Variants in PRRX2 observed in about 807,000 individuals in gnomAD.
PRRX2 encodes the protein paired related homeobox 2.
A neutral mutation model predicts 18.0 loss-of-function variants in PRRX2; 11 were observed. The observed-to-expected ratio is 0.61, with a 90% CI of 0.39 to 1.01. The LOEUF (loss-of-function observed/expected upper bound fraction) is 1.01, where lower values mean the gene tolerates loss of function less well. PRRX2 is among the 50% of genes least tolerant of loss of function. PRRX2 has a pLI of 0.01. For missense variants in PRRX2, 387 were observed against 351.0 expected, an observed-to-expected ratio of 1.10 and a Z score of -0.82; for synonymous variants, 177 against 154.8, an observed-to-expected ratio of 1.14 and a Z score of -1.06.
chr9:129,686,015 T>C (rs1832295888), intron 1 of PRRX2, among the ~76,000 whole-genome samples: 1 of 152,108 alleles, frequency 6.6e-6, no homozygotes, highest in African/African-American at 2.4e-5. Context: ...GGGTTGGGCT[T>C]TGTGAAGAGG....
rs891898571 is a variant in PRRX2 at position 129,675,062 on chromosome 9, G to A, written c.259+8936G>A. Among the ~76,000 whole-genome samples the A allele has an allele frequency of 1.3e-5, 2 of 152,164 alleles. No homozygotes were observed. The highest frequency in any genetic ancestry group is 4.8e-5 in the African/African-American group (2 of 41,424). ...TTACCCTCCTCAGTTTACCCGAGTGGAAAGCGGTCCTCTCGAGGGGACAGA... is the reference window on the plus strand; with the variant it reads ...TTACCCTCCTCAGTTTACCCGAGTGAAAAGCGGTCCTCTCGAGGGGACAGA... On this transcript the variant is annotated intron_variant, in intron 1 of 3. Transcript: ENST00000372469. This position sits in a 1 kb window ranked among gnomAD's most constrained non-coding sequence, Gnocchi z 4.4.
At chr9:129,706,660 C>T (rs903140139) in intron 1 of PRRX2, among the ~76,000 whole-genome samples, 8 of 152,114 alleles carry the variant, frequency 5.3e-5, no homozygotes, top group East Asian at 1.9e-4. Flanking sequence ...CCTAGGAGTT[C>T]GAGGCTGCAG....
Position 129,665,896 on chromosome 9 carries a change from T to C in PRRX2, c.29T>C (p.Leu10Pro), listed in dbSNP as rs1832013048. ...GACAGCGCGGCCGCCGCCTTCGCCC[T>C]GGACAAGCCGGCGCTGGGCCCGGGG... MDSAAAAFA[L>P]DKPALGPGPP... Residue 10 changes from leucine (L) to proline (P), a missense_variant, in exon 1 of 4, where the codon CTG (leucine) becomes CCG (proline). By Grantham distance (98) the Leu-to-Pro change is moderately conservative (BLOSUM62 -3). Transcript: ENST00000372469. This position sits in a 1 kb window ranked among gnomAD's most constrained non-coding sequence, Gnocchi z 5.3. 9.1e-7 allele frequency: 1 copy of C among 1,095,094 alleles called. No individual in the cohort carries two copies. The highest frequency in any genetic ancestry group is 1.1e-6 in the Non-Finnish European group (1 of 904,386). 67.8% of individuals were successfully genotyped at this position (1,095,094 alleles called of 1,614,324 possible).
chr9:129,691,195 C>A (rs1275652974), intron 1 of PRRX2, among the ~76,000 whole-genome samples: 1 of 150,136 alleles, frequency 6.7e-6, no homozygotes, highest in Non-Finnish European at 1.5e-5. Flanking sequence ...AAATTAGACA[C>A]GCGTCATGGC....
In PRRX2 at chr9:129,715,325, G is replaced by A. The variant is rs150730651; in HGVS notation, c.260-3906G>A. Among the ~76,000 whole-genome samples, 22 of 152,316 alleles carry A rather than the reference G, an allele frequency of 1.4e-4. No homozygotes were observed. Among genetic ancestry groups the A allele is most frequent in the Middle Eastern group, 3.4e-3 (1 of 294 alleles). On this transcript the variant is annotated intron_variant, in intron 1 of 3. Coordinates refer to ENST00000372469, the MANE Select transcript of PRRX2 (RefSeq NM_016307.4). This position sits in a 1 kb window ranked among gnomAD's most constrained non-coding sequence, Gnocchi z 4.0. Reference sequence around the variant, plus strand: ...AAGATATTTAGCAAGGCCAAGCATGGTGGCTCGTGCCTGTAATCCCAGTAC... The same window carrying A: ...AAGATATTTAGCAAGGCCAAGCATGATGGCTCGTGCCTGTAATCCCAGTAC...
intron 1 of PRRX2, among the ~76,000 whole-genome samples, chr9:129,716,332 T>A (rs1832706163): frequency 6.6e-6 from 1 of 152,124 alleles, no homozygotes; most frequent in South Asian, 2.1e-4. Flanking sequence ...CAGAGTCACA[T>A]GGTAGACTGC....
In PRRX2 at chr9:129,666,012, G is replaced by A; in HGVS notation, c.145G>A (p.Val49Met). The part of the protein sequence containing the change: ...SVSHLLDLEE[V>M]AAAGRLAARP... Reference sequence around the variant, plus strand: ...GAGCCACCTCCTGGACCTGGAAGAGGTGGCGGCGGCCGGGCGGCTGGCGGC... The same window carrying A: ...GAGCCACCTCCTGGACCTGGAAGAGATGGCGGCGGCCGGGCGGCTGGCGGC... Residue 49 changes from valine to methionine, a missense_variant, in exon 1 of 4, where the codon GTG becomes ATG. Transcript: ENST00000372469. 1.9e-6 allele frequency: 2 copies of A among 1,069,664 alleles called. No individual in the cohort carries two copies. The highest frequency in any genetic ancestry group is 7.2e-5 in the East Asian group (1 of 13,944). The allele number at this position is 1,069,664 out of a possible 1,614,324, so 66.3% of individuals were successfully genotyped here.
chr9:129,697,084 G>A (rs1310062240), intron 1 of PRRX2, among the ~76,000 whole-genome samples: 2 of 152,242 alleles, frequency 1.3e-5, no homozygotes, highest in Non-Finnish European at 2.9e-5. Flanking sequence ...GCCCATAGGC[G>A]CCCGGCCCGG....
chr9:129,707,713 C>A (rs543754439), intron 1 of PRRX2, among the ~76,000 whole-genome samples: 9 of 151,784 alleles, frequency 5.9e-5, no homozygotes, highest in Admixed American at 1.3e-4. Context: ...ATTGCTTGAA[C>A]CCAGGAGGAG....
intron 1 of PRRX2, among the ~76,000 whole-genome samples, chr9:129,684,532 A>ACACACACACACACACAC (rs1165343797): frequency 2.9e-5 from 4 of 140,280 alleles, no homozygotes; most frequent in Non-Finnish European, 4.6e-5. Context: ...ACCCACACAC[A>ACACACACACACACACAC]CCCCAACAGA....
intron 1 of PRRX2, among the ~76,000 whole-genome samples, chr9:129,690,714 A>G (rs1348513378): frequency 1.3e-5 from 2 of 151,206 alleles, no homozygotes; most frequent in South Asian, 2.1e-4. Context: ...CACTATGTTG[A>G]CCAGGCTGGT....
At chr9:129,680,851 C>G (rs1588163828) in intron 1 of PRRX2, among the ~76,000 whole-genome samples, 1 of 152,340 alleles carries the variant, frequency 6.6e-6, no homozygotes, top group Non-Finnish European at 1.5e-5. Flanking sequence ...AAGGAGGCAT[C>G]TTGCTTTATT....
At chr9:129,710,725 C>T (rs760533457) in intron 1 of PRRX2, among the ~76,000 whole-genome samples, 4 of 152,066 alleles carry the variant, frequency 2.6e-5, no homozygotes, top group Non-Finnish European at 5.9e-5. Context: ...GAGTGAGACT[C>T]CATCTCAAAA....
chr9:129,700,097 C>A (rs186806055), intron 1 of PRRX2, among the ~76,000 whole-genome samples: 1 of 152,342 alleles, frequency 6.6e-6, no homozygotes, highest in South Asian at 2.1e-4. Context: ...GCACTTACTA[C>A]GTGCCAGGCA....
intron 1 of PRRX2, among the ~76,000 whole-genome samples, chr9:129,682,196 C>T (rs1371816568): frequency 6.6e-6 from 1 of 152,104 alleles, no homozygotes; most frequent in African/African-American, 2.4e-5. Context: ...TTTCCCTCAA[C>T]CTCAGTTTCT....
At chr9:129,704,769 C>CTGCATTGAAACCT (rs1832537659) in intron 1 of PRRX2, among the ~76,000 whole-genome samples, 1 of 152,140 alleles carries the variant, frequency 6.6e-6, no homozygotes, top group Non-Finnish European at 1.5e-5. Flanking sequence ...GGTTTGAGAC[C>CTGCATTGAAACCT]GCAGAGCTGT....
At chr9:129,692,776 G>C (rs13292590) in intron 1 of PRRX2, among the ~76,000 whole-genome samples, 28,346 of 152,050 alleles carry the variant, frequency 0.19, 4,210 homozygotes, top group African/African-American at 0.41. Flanking sequence ...TCTGGATGTA[G>C]CACAGTTTAT....
chr9:129,697,590 G>A (rs1227425906), intron 1 of PRRX2, among the ~76,000 whole-genome samples: 1 of 151,492 alleles, frequency 6.6e-6, no homozygotes, highest in Non-Finnish European at 1.5e-5. Flanking sequence ...CGGCTGGCGC[G>A]CCGGCCCTGG....
In PRRX2 at chr9:129,720,750, C is replaced by G. The variant is rs140111310; in HGVS notation, c.602C>G (p.Ser201Cys). The G allele has an allele frequency of 1.4e-4, 222 of 1,603,000 alleles. 2 individuals carry two copies. The African/African-American group carries it at 1.7e-3, about 12-fold the overall frequency. The change falls in exon 3 of 4, where the codon TCC becomes TGC. Residue 201 changes from serine (S) to cysteine (C), a missense_variant. Physicochemically the swap from Ser to Cys is moderately radical, Grantham distance 112 (BLOSUM62 -1). Transcript: ENST00000372469. ...RPTALSPDYL[S>C]WTASSPYSTV... ...ACCGCCCTGAGTCCAGATTATCTCT[C>G]CTGGACAGCCTCGTCCCCCTACAGG... is the stretch of plus-strand genomic sequence containing the variant.
Sources: gnomAD v4.1 joint callset for allele counts (sites outside exome capture counted in the v4.1 genomes callset) on GRCh38, gnomAD v4.1.1 for gene constraint, Gnocchi (gnomAD v3.1) non-coding constraint, MANE v1.5 for transcripts, NCBI Gene and HGNC (gene_info 2026-07-23, HGNC 2026-07-21) for gene names.